Variants in ADGRL3 observed in about 807,000 individuals in gnomAD.
ADGRL3 encodes calcium-independent alpha-latrotoxin receptor 3.
Under a neutral mutation model 153.5 loss-of-function variants are expected in ADGRL3, and 62 were observed. That is an observed-to-expected ratio of 0.40 (90% CI 0.33 to 0.50). The LOEUF (loss-of-function observed/expected upper bound fraction) is 0.50. ADGRL3 is among the 20% of genes least tolerant of loss of function. The pLI, the probability that ADGRL3 is intolerant of heterozygous loss-of-function variation, is 0.47. For synonymous variants in ADGRL3, 710 were observed against 672.5 expected (o/e 1.06, Z -0.86); for missense variants, 1,641 against 1,859.4 (o/e 0.88, Z 2.16).
At chr4:61,751,947 A>G (rs1407081356) in intron 8 of ADGRL3, among the ~76,000 whole-genome samples, 1 of 152,188 alleles carries the variant, frequency 6.6e-6, no homozygotes, top group African/African-American at 2.4e-5. Flanking sequence ...ACTTTCTTCT[A>G]AAGAAAGTGA....
chr4:61,285,252 G>T (rs1486684836), intron 1 of ADGRL3, among the ~76,000 whole-genome samples: 3 of 151,744 alleles, frequency 2.0e-5, no homozygotes, highest in African/African-American at 4.8e-5. Flanking sequence ...TTAAATTATA[G>T]ATTTAGCTTA....
intron 6 of ADGRL3, among the ~76,000 whole-genome samples, chr4:61,729,167 T>C (rs1055528884): frequency 6.6e-5 from 10 of 151,946 alleles, no homozygotes; most frequent in Admixed American, 2.0e-4. Context: ...TATATATCCA[T>C]GTAACAAACC....
rs1412970964 is a variant in ADGRL3, at chr4:61,850,516, G to A, written c.1480+36627G>A. Reference sequence around the variant, plus strand: ...TTTAACTTGAGTAACCAAGTGAATAGTCCTGATCTATTTTAGCTCCTGTGT... The same window carrying A: ...TTTAACTTGAGTAACCAAGTGAATAATCCTGATCTATTTTAGCTCCTGTGT... On this transcript the variant is annotated intron_variant, in intron 9 of 26. Coordinates refer to ENST00000683033, the MANE Select transcript of ADGRL3 (RefSeq NM_001387552.1). Among the ~76,000 whole-genome samples the A allele has an allele frequency of 7.2e-5, 11 of 152,224 alleles. No homozygotes were observed. The East Asian group carries it at 2.1e-3, about 29-fold the overall frequency.
chr4:61,397,768 T>G (rs974402155), intron 2 of ADGRL3, among the ~76,000 whole-genome samples: 21 of 151,924 alleles, frequency 1.4e-4, no homozygotes, highest in African/African-American at 4.8e-4. Context: ...GCAAAGGGTA[T>G]GTTGAACCTC....
At chr4:61,931,861 T>A (rs1212731172) in intron 13 of ADGRL3, among the ~76,000 whole-genome samples, 1 of 152,096 alleles carries the variant, frequency 6.6e-6, no homozygotes, top group Non-Finnish European at 1.5e-5. Context: ...ACCTTGTAGT[T>A]TTTTAGTTGC....
intron 1 of ADGRL3, among the ~76,000 whole-genome samples, chr4:61,376,209 A>T (rs747160873): frequency 2.6e-5 from 4 of 152,232 alleles, no homozygotes; most frequent in Non-Finnish European, 5.9e-5. Flanking sequence ...AGCATGTTCT[A>T]CTAGAAAATT....
chr4:61,670,113 G>A (rs920004772), intron 5 of ADGRL3, among the ~76,000 whole-genome samples: 8 of 152,110 alleles, frequency 5.3e-5, no homozygotes, highest in African/African-American at 1.9e-4. Context: ...GGCCAACATG[G>A]TGAAACCCCA....
chr4:61,796,743 T>C (rs2097419413), intron 8 of ADGRL3, among the ~76,000 whole-genome samples: 1 of 152,210 alleles, frequency 6.6e-6, no homozygotes, highest in Non-Finnish European at 1.5e-5. Flanking sequence ...TTAGTAATTG[T>C]TGATTATTTA....
At chr4:62,068,351 G>A (rs1450900735) in intron 26 of ADGRL3, 168 bp downstream of exon 26, 5 of 424,958 alleles carry the variant, frequency 1.2e-5, no homozygotes, top group East Asian at 3.6e-5. Flanking sequence ...GAGATTAGAC[G>A]CTTTTGTTGT....
intron 8 of ADGRL3, among the ~76,000 whole-genome samples, chr4:61,778,560 C>A (rs981301530): frequency 6.6e-6 from 1 of 152,226 alleles, no homozygotes; most frequent in Non-Finnish European, 1.5e-5. Context: ...AATTGCCTAT[C>A]TGCAACATTC....
intron 1 of ADGRL3, among the ~76,000 whole-genome samples, chr4:61,375,223 A>C (rs1358111608): frequency 1.3e-5 from 2 of 152,062 alleles, no homozygotes; most frequent in Admixed American, 6.6e-5. Flanking sequence ...TTCTTAGGCT[A>C]TTTTTCCTTG....
At chr4:61,677,179 C>A in intron 6 of ADGRL3, 1 of 405,636 alleles carries the variant, frequency 2.5e-6, no homozygotes, top group South Asian at 3.1e-5. Context: ...ACACACTTTT[C>A]TTAATTAATG....
chr4:61,357,217 T>C (rs975442370), intron 1 of ADGRL3, among the ~76,000 whole-genome samples: 1 of 152,214 alleles, frequency 6.6e-6, no homozygotes, highest in Admixed American at 6.5e-5. Context: ...TAATTGCTTG[T>C]TAATGATTAA....
chr4:61,793,874 A>G (rs1470724506), intron 8 of ADGRL3, among the ~76,000 whole-genome samples: 1 of 152,210 alleles, frequency 6.6e-6, no homozygotes, highest in Non-Finnish European at 1.5e-5. Context: ...ATTTACCTAA[A>G]TCTATACTAT....
chr4:61,710,064 GA>G (rs1330162051), intron 6 of ADGRL3, among the ~76,000 whole-genome samples: 5 of 152,148 alleles, frequency 3.3e-5, no homozygotes, highest in Non-Finnish European at 7.4e-5. Context: ...TTATTTAACA[GA>G]AGTTACTTTT....
At chr4:61,909,462 C>T in intron 11 of ADGRL3, 98 bp from the exon 12 acceptor site, 6 of 754,184 alleles carry the variant, frequency 8.0e-6, no homozygotes, top group African/African-American at 1.8e-5. Context: ...TTTCTTGAAT[C>T]GATGATTACA....
chr4:61,271,268 A>T (rs952808687), intron 1 of ADGRL3, among the ~76,000 whole-genome samples: 4 of 151,904 alleles, frequency 2.6e-5, no homozygotes, highest in African/African-American at 9.7e-5. Flanking sequence ...TCAAGACTTG[A>T]CAGAAATGAC....
chr4:61,884,855 C>G (rs1333139022), intron 9 of ADGRL3, among the ~76,000 whole-genome samples: 1 of 151,616 alleles, frequency 6.6e-6, no homozygotes, highest in Non-Finnish European at 1.5e-5. Context: ...GAACCCCTGA[C>G]CTCAGGTGAT....
intron 4 of ADGRL3, among the ~76,000 whole-genome samples, chr4:61,526,264 T>G (rs2098558209): frequency 6.6e-6 from 1 of 152,136 alleles, no homozygotes. Context: ...ACTGATAAAT[T>G]ACTGACTCAA....
Sources: allele counts gnomAD v4.1 joint callset (sites outside exome capture counted in the v4.1 genomes callset), GRCh38; gene constraint gnomAD v4.1.1; transcripts MANE v1.5; gene names NCBI Gene and HGNC (gene_info 2026-07-23, HGNC 2026-07-21).